The following RAB27A variants were observed in gnomAD, a reference collection of about 807,000 sequenced individuals.
RAB27A encodes the protein RAB27A, member RAS oncogene family, also known as ras-related protein Rab-27A.
RAB27A carries 17 observed loss-of-function variants against 20.8 expected under a neutral mutation model. The observed-to-expected ratio is 0.82, with a 90% CI of 0.56 to 1.23. RAB27A has a LOEUF of 1.23. Among genes scored for constraint, RAB27A ranks in the 50% most tolerant of loss-of-function variants. The pLI is 0.00. For missense variants in RAB27A, 277 were observed against 266.7 expected, an observed-to-expected ratio of 1.04 and a Z score of -0.27; for synonymous variants, 85 against 92.8, an observed-to-expected ratio of 0.92 and a Z score of 0.48.
chr15:55,299,439 C>T (rs989127971), intron 2 of RAB27A, among the ~76,000 whole-genome samples: 2 of 152,008 alleles, frequency 1.3e-5, no homozygotes, highest in African/African-American at 4.8e-5. Flanking sequence ...ACTAAAAATA[C>T]AAAAATTAGC....
At chr15:55,314,612 T>A (rs1370856084) in intron 1 of RAB27A, among the ~76,000 whole-genome samples, 1 of 152,242 alleles carries the variant, frequency 6.6e-6, no homozygotes, top group Admixed American at 6.5e-5. Context: ...CAAGCGTTCC[T>A]ATACACCCTT....
intron 2 of RAB27A, among the ~76,000 whole-genome samples, chr15:55,303,308 G>T (rs1373951088): frequency 0.088 from 8,616 of 97,694 alleles, 66 homozygotes; most frequent in Non-Finnish European, 0.13. Context: ...GGAGGGAGGT[G>T]GGGGGGTCAG....
chr15:55,207,664 C>A (rs149757261), intron 6 of RAB27A, among the ~76,000 whole-genome samples: 2 of 152,048 alleles, frequency 1.3e-5, no homozygotes, highest in Non-Finnish European at 2.9e-5. Context: ...AAAAATGCGA[C>A]TTTTTTGTTT....
At chr15:55,303,276 G>A (rs1482868664) in intron 2 of RAB27A, among the ~76,000 whole-genome samples, 8 of 96,990 alleles carry the variant, frequency 8.2e-5, no homozygotes, top group African/African-American at 1.0e-4. Flanking sequence ...TCAGCCCCCC[G>A]CCTGGCCAGC....
chr15:55,285,585 C>CA (rs1401594415), intron 1 of RAB27A, among the ~76,000 whole-genome samples: 1 of 152,142 alleles, frequency 6.6e-6, no homozygotes, highest in Admixed American at 6.5e-5. Flanking sequence ...ATCATAAACT[C>CA]AAACTTCCTG....
chr15:55,235,269 G>A (rs1051036724), intron 2 of RAB27A, among the ~76,000 whole-genome samples: 1 of 152,022 alleles, frequency 6.6e-6, no homozygotes, highest in African/African-American at 2.4e-5. Flanking sequence ...CCAACATGGA[G>A]AAACCCCATC....
chr15:55,290,853 G>C (rs79891676), upstream of RAB27A, among the ~76,000 whole-genome samples: 7,807 of 152,296 alleles, frequency 0.051, 281 homozygotes, highest in East Asian at 0.15. Context: ...GTAAAATGTT[G>C]AGAAGCCTTA....
At chr15:55,302,224 A>T (rs1016737707) in intron 2 of RAB27A, among the ~76,000 whole-genome samples, 1 of 151,320 alleles carries the variant, frequency 6.6e-6, no homozygotes, top group Non-Finnish European at 1.5e-5. Context: ...AAAAACAACA[A>T]CAACACCCGC....
Position 55,306,694 on chromosome 15 carries a change from G to A in RAB27A, c.-112+7345C>T, listed in dbSNP as rs142126686. Reference sequence around the variant, plus strand: ...AGTTGTGGGGCATATGGGTGTGGGCGGTGAAGGCGGGGTTTCCCTTAGATA... The same window carrying A: ...AGTTGTGGGGCATATGGGTGTGGGCAGTGAAGGCGGGGTTTCCCTTAGATA... On this transcript the variant is annotated intron_variant, in intron 2 of 5. Coordinates refer to the RAB27A transcript ENST00000563262. 1.4e-3 allele frequency among the ~76,000 whole-genome samples: 211 copies of A among 152,272 alleles called. 2 individuals carry two copies. The highest frequency in any genetic ancestry group is 4.8e-3 in the African/African-American group (200 of 41,548).
At chr15:55,270,542 T>C (rs1160172943) in intron 1 of RAB27A, 1 of 152,190 alleles carries the variant, frequency 6.6e-6, no homozygotes, top group Non-Finnish European at 1.5e-5. Flanking sequence ...CCTCTTCTGG[T>C]GTTAGAAGAC....
chr15:55,230,526 C>G lies in RAB27A; in HGVS notation c.154-40G>C, dbSNP rs508201. 1,719 of 1,521,612 alleles carry G rather than the reference C, an allele frequency of 1.1e-3. 23 individuals carry two copies. In the African/African-American group the frequency reaches 0.02, roughly 18 times the overall value. 94.3% of individuals were successfully genotyped at this position (1,521,612 alleles called of 1,614,324 possible). A position where few individuals can be genotyped will look rare whatever the true frequency, so the allele number is the denominator to read the frequency against. On this transcript the variant is annotated intron_variant, in intron 3 of 6. Transcript: ENST00000336787. Reference sequence around the variant, plus strand: ...TGAAAGAGAAAACAAAAGAGAACTTCTAACACCAGCGAACCTTCTCACCTT... The same window carrying G: ...TGAAAGAGAAAACAAAAGAGAACTTGTAACACCAGCGAACCTTCTCACCTT...
At chr15:55,214,303 G>A (rs1319283815) in intron 6 of RAB27A, among the ~76,000 whole-genome samples, 1 of 152,204 alleles carries the variant, frequency 6.6e-6, no homozygotes, top group African/African-American at 2.4e-5. Flanking sequence ...AGGCATGGTG[G>A]TGGACGCCTG....
chr15:55,312,989 C>T (rs1595758081), intron 2 of RAB27A, among the ~76,000 whole-genome samples: 1 of 152,296 alleles, frequency 6.6e-6, no homozygotes, highest in Admixed American at 6.5e-5. Flanking sequence ...AGAGGCTGCT[C>T]CTTGAGCCCC....
chr15:55,240,248 G>A (rs570180181), intron 2 of RAB27A, among the ~76,000 whole-genome samples: 25 of 152,096 alleles, frequency 1.6e-4, no homozygotes, highest in Non-Finnish European at 3.2e-4. Flanking sequence ...AGTAAACAGT[G>A]AGAACACACA....
intron 2 of RAB27A, among the ~76,000 whole-genome samples, chr15:55,312,916 G>T (rs544567968): frequency 2.6e-5 from 4 of 152,072 alleles, no homozygotes; most frequent in African/African-American, 9.7e-5. Context: ...TGCCACAATT[G>T]AGCAGAAACT....
chr15:55,251,152 A>G (rs1002050251), intron 2 of RAB27A, among the ~76,000 whole-genome samples: 4 of 151,974 alleles, frequency 2.6e-5, no homozygotes, highest in African/African-American at 7.3e-5. Context: ...GATCTGCCAC[A>G]CTCTTTTATT....
At chr15:55,279,657 G>C (rs1248695674) in intron 1 of RAB27A, among the ~76,000 whole-genome samples, 1 of 152,194 alleles carries the variant, frequency 6.6e-6, no homozygotes, top group Non-Finnish European at 1.5e-5. Context: ...AATGAAATAA[G>C]TAATAGCCTC....
At chr15:55,216,439 G>T (rs112532900) in intron 6 of RAB27A, among the ~76,000 whole-genome samples, 4,539 of 152,052 alleles carry the variant, frequency 0.03, 236 homozygotes, top group African/African-American at 0.1. Context: ...AGGCTGAGAC[G>T]GGAGATCTCT....
chr15:55,214,169 G>A (rs1895156129), intron 6 of RAB27A, among the ~76,000 whole-genome samples: 1 of 152,216 alleles, frequency 6.6e-6, no homozygotes, highest in African/African-American at 2.4e-5. Context: ...GGGCGCGATG[G>A]CTGATGCCTG....
Sources: allele counts gnomAD v4.1 joint callset (sites outside exome capture counted in the v4.1 genomes callset), GRCh38; gene constraint gnomAD v4.1.1; transcripts MANE v1.5; gene names NCBI Gene and HGNC (gene_info 2026-07-23, HGNC 2026-07-21).